NLGN1: variants seen among roughly 807,000 people sequenced by gnomAD.
The protein encoded by NLGN1 is neuroligin-1.
NLGN1 carries 12 observed loss-of-function variants against 65.5 expected under a neutral mutation model. The observed-to-expected ratio is 0.18, with a 90% confidence interval of 0.12 to 0.30. NLGN1 has a LOEUF of 0.30. Among genes scored for constraint, NLGN1 ranks in the 10% least tolerant of loss-of-function variants. The probability of loss-of-function intolerance (pLI) is 1.00; values close to 1 mark genes in which losing one functional copy is unlikely to be tolerated. For missense variants in NLGN1, 750 were observed against 1,007.1 expected (o/e 0.74, Z 3.46); for synonymous variants, 350 against 359.5 (o/e 0.97, Z 0.30).
chr3:173,754,302 A>G lies in NLGN1; in HGVS notation c.494-53378A>G, dbSNP rs185968802. Among the ~76,000 whole-genome samples, 414 of 152,128 alleles carry G rather than the reference A, an allele frequency of 2.7e-3. 3 individuals carry two copies. The highest frequency in any genetic ancestry group is 4.6e-3 in the Non-Finnish European group (316 of 67,966). ...AGCAATCTACCCGCCTTGGGCTTCC[A>G]AAGTGCTGGGATTACAGAGATGAGC... On this transcript the variant is annotated intron_variant, in intron 3 of 6. Coordinates refer to ENST00000457714, the Ensembl canonical transcript of NLGN1.
At chr3:173,936,006 C>G (rs1745013560) in intron 4 of NLGN1, among the ~76,000 whole-genome samples, 1 of 151,892 alleles carries the variant, frequency 6.6e-6, no homozygotes, top group Admixed American at 6.6e-5. Flanking sequence ...GATAATACCT[C>G]ATGGAGAATA....
intron 3 of NLGN1, among the ~76,000 whole-genome samples, chr3:173,646,918 A>G (rs529427859): frequency 4.0e-4 from 61 of 152,308 alleles, no homozygotes; most frequent in African/African-American, 1.4e-3. Flanking sequence ...ATAAAAAACA[A>G]AATTAAAACA....
rs76463851 is a variant in NLGN1 at position 174,184,659 on chromosome 3, G to A, written c.647-90656G>A. ...GCTCAGCACTGCTCTGAGAGAAATA[G>A]AAGAAACAGGGAGCCTGAAGTTGGT... On this transcript the variant is annotated intron_variant, in intron 4 of 6. Coordinates refer to ENST00000457714, the Ensembl canonical transcript of NLGN1. 3.6e-3 allele frequency among the ~76,000 whole-genome samples: 550 copies of A among 152,278 alleles called. 3 individuals are homozygous for A. Among genetic ancestry groups the A allele is most frequent in the African/African-American group, 0.012 (501 of 41,554 alleles).
intron 2 of NLGN1, among the ~76,000 whole-genome samples, chr3:173,528,601 A>T (rs997686910): frequency 1.3e-5 from 2 of 152,166 alleles, no homozygotes; most frequent in Admixed American, 1.3e-4. Context: ...GTCACTTCAC[A>T]TAATTCCATA....
chr3:173,764,512 C>G (rs1345114625), intron 3 of NLGN1, among the ~76,000 whole-genome samples: 1 of 152,146 alleles, frequency 6.6e-6, no homozygotes, highest in Non-Finnish European at 1.5e-5. Flanking sequence ...ATATTTGCTC[C>G]TGTGTTCCGA....
chr3:174,060,179 A>AT (rs1560945616), intron 4 of NLGN1, among the ~76,000 whole-genome samples: 2 of 152,098 alleles, frequency 1.3e-5, no homozygotes, highest in African/African-American at 2.4e-5. Context: ...AAGAATATAT[A>AT]TTTTTTAAAA....
chr3:173,570,544 T>TACAAAGGCCTCTGCTTCC (rs1318277015), intron 2 of NLGN1, among the ~76,000 whole-genome samples: 1 of 152,184 alleles, frequency 6.6e-6, no homozygotes, highest in East Asian at 1.9e-4. Context: ...TGCTTCCTTC[T>TACAAAGGCCTCTGCTTCC]TTGTAAAAGG....
At chr3:174,057,104 A>G (rs1736299583) in intron 4 of NLGN1, among the ~76,000 whole-genome samples, 1 of 151,638 alleles carries the variant, frequency 6.6e-6, no homozygotes, top group African/African-American at 2.4e-5. Flanking sequence ...CTTGTAATTT[A>G]GGGCCTATTA....
intron 4 of NLGN1, among the ~76,000 whole-genome samples, chr3:174,023,021 A>C (rs1419527861): frequency 2.0e-5 from 3 of 152,166 alleles, no homozygotes; most frequent in Non-Finnish European, 4.4e-5. Context: ...ACCTAGAAAG[A>C]AGCTTTATTG....
At chr3:174,059,263 C>T (rs953205571) in intron 4 of NLGN1, among the ~76,000 whole-genome samples, 16 of 152,234 alleles carry the variant, frequency 1.1e-4, no homozygotes, top group African/African-American at 3.9e-4. Flanking sequence ...GAACAGATTA[C>T]TTTGTCTTCA....
chr3:174,086,808 T>G (rs566934087), intron 4 of NLGN1, among the ~76,000 whole-genome samples: 1 of 152,194 alleles, frequency 6.6e-6, no homozygotes, highest in South Asian at 2.1e-4. Flanking sequence ...AAATGAAAAG[T>G]TTACAGTAGA....
At chr3:173,977,456 C>T (rs919650619) in intron 4 of NLGN1, among the ~76,000 whole-genome samples, 5 of 151,804 alleles carry the variant, frequency 3.3e-5, no homozygotes, top group African/African-American at 7.3e-5. Context: ...GTTGACAAGG[C>T]GGGTAGAAGT....
intron 4 of NLGN1, among the ~76,000 whole-genome samples, chr3:173,945,579 T>G (rs1746992351): frequency 6.6e-6 from 1 of 152,194 alleles, no homozygotes; most frequent in African/African-American, 2.4e-5. Flanking sequence ...CTGTAAGAAA[T>G]ATGTACATAT....
intron 2 of NLGN1, among the ~76,000 whole-genome samples, chr3:173,481,910 G>A: frequency 6.6e-6 from 1 of 151,612 alleles, no homozygotes; most frequent in South Asian, 2.1e-4. Context: ...TATTTCATTG[G>A]TGCTTTAATT....
In NLGN1 at chr3:174,026,047, G is replaced by T. The variant is rs552223555; in HGVS notation, c.646+218215G>T. On this transcript the variant is annotated intron_variant, in intron 4 of 6. Transcript: ENST00000457714. ...AAGACTATGTTCATTATTGTGCATT[G>T]AATGTATTTGATACTAATAAATAGC... Among the ~76,000 whole-genome samples, 233 of 152,258 alleles carry T rather than the reference G, an allele frequency of 1.5e-3. 1 individual carries two copies. The highest frequency in any genetic ancestry group is 0.01 in the Middle Eastern group (3 of 294).
In NLGN1 at chr3:173,555,056, T is replaced by C. The variant is rs78056674; in HGVS notation, c.-320-49223T>C. 6.8e-3 allele frequency among the ~76,000 whole-genome samples: 1,032 copies of C among 152,276 alleles called. 11 individuals are homozygous for C. Among genetic ancestry groups the C allele is most frequent in the African/African-American group, 0.023 (951 of 41,568 alleles). On this transcript the variant is annotated intron_variant, in intron 2 of 6. Transcript: ENST00000457714. ...GCTAATTGACCATGTATATGTCTTA[T>C]TTAATGAGTTATCTTTTCAAATATT...
chr3:174,183,586 G>A (rs1263039778), intron 4 of NLGN1, among the ~76,000 whole-genome samples: 2 of 152,146 alleles, frequency 1.3e-5, no homozygotes, highest in African/African-American at 4.8e-5. Flanking sequence ...AGGGTGAAGG[G>A]AAAGGAGAAA....
At chr3:173,978,717 C>T (rs190211723) in intron 4 of NLGN1, among the ~76,000 whole-genome samples, 5 of 151,268 alleles carry the variant, frequency 3.3e-5, no homozygotes, top group African/African-American at 7.3e-5. Flanking sequence ...AAAATGAGGC[C>T]GGGCATGGTG....
At chr3:173,543,991 C>G (rs1739327066) in intron 2 of NLGN1, among the ~76,000 whole-genome samples, 1 of 151,906 alleles carries the variant, frequency 6.6e-6, no homozygotes, top group Admixed American at 6.6e-5. Flanking sequence ...TATATAGAAG[C>G]CAGGCATCTA....
Sources: allele counts gnomAD v4.1 joint callset (sites outside exome capture counted in the v4.1 genomes callset), GRCh38; gene constraint gnomAD v4.1.1; transcripts MANE v1.5; gene names NCBI Gene and HGNC (gene_info 2026-07-23, HGNC 2026-07-21).